The following GRIP1 variants were observed in gnomAD, a reference collection of about 807,000 sequenced individuals.
GRIP1 encodes the protein glutamate receptor-interacting protein 1.
In GRIP1, 45 loss-of-function variants were observed where a neutral mutation model predicts 129.9. The ratio of observed to expected loss-of-function variants is 0.35; its 90% CI spans 0.27 to 0.44. The LOEUF is 0.44. GRIP1 is among the 20% of genes least tolerant of loss of function. The probability of loss-of-function intolerance (pLI) is 1.00; values close to 1 mark genes in which losing one functional copy is unlikely to be tolerated. For missense variants in GRIP1, 1,196 were observed against 1,396.8 expected, an observed-to-expected ratio of 0.86 and a Z score of 2.29; for synonymous variants, 530 against 520.8, an observed-to-expected ratio of 1.02 and a Z score of -0.24.
chr12:66,990,722 C>T (rs1004550672), intron 1 of GRIP1, among the ~76,000 whole-genome samples: 8 of 152,096 alleles, frequency 5.3e-5, no homozygotes, highest in African/African-American at 1.7e-4. Context: ...TGGCAGGGCG[C>T]GGTGGCTCAG....
At chr12:67,010,691 T>G (rs927874757) in intron 1 of GRIP1, among the ~76,000 whole-genome samples, 1 of 152,110 alleles carries the variant, frequency 6.6e-6, no homozygotes, top group Non-Finnish European at 1.5e-5. Flanking sequence ...ACTTCCTCAT[T>G]GTAGCTAACC....
chr12:66,791,573 G>A (rs979799584), intron 1 of GRIP1, among the ~76,000 whole-genome samples: 2 of 152,170 alleles, frequency 1.3e-5, no homozygotes, highest in African/African-American at 4.8e-5. Flanking sequence ...TAAGGATGAA[G>A]TCTCGAGGAG....
chr12:66,743,775 A>T (rs755969586), intron 1 of GRIP1, among the ~76,000 whole-genome samples: 1 of 152,144 alleles, frequency 6.6e-6, no homozygotes, highest in Admixed American at 6.6e-5. Flanking sequence ...AAATTAATCA[A>T]TTTTCTATTC....
At chr12:66,675,483 G>A (rs1245663521) in intron 1 of GRIP1, among the ~76,000 whole-genome samples, 1 of 152,120 alleles carries the variant, frequency 6.6e-6, no homozygotes, top group Non-Finnish European at 1.5e-5. Context: ...AAGAGAAAAA[G>A]AACAAAGTCT....
Position 66,578,230 on chromosome 12 carries a change from C to CA in GRIP1, c.136+18616_136+18617insT, listed in dbSNP as rs1565879292. On this transcript the variant is annotated intron_variant, in intron 2 of 24. Coordinates refer to ENST00000359742, the MANE Select transcript of GRIP1 (RefSeq NM_001366722.1). ...CAGCCTGACTAATATGGCAAAACCG[C>CA]GGTTTTTTTTTTTTTTTTTGTAAAA... Among the ~76,000 whole-genome samples, 90 of 24,370 alleles carry CA rather than the reference C, an allele frequency of 3.7e-3. 2 individuals carry two copies. Among genetic ancestry groups the CA allele is most frequent in the Middle Eastern group, 0.029 (2 of 68 alleles). 16.0% of individuals were successfully genotyped at this position (24,370 alleles called of 152,430 possible). A position where few individuals can be genotyped will look rare whatever the true frequency, so the allele number is the denominator to read the frequency against.
chr12:66,839,047 G>C (rs932544344), intron 1 of GRIP1, among the ~76,000 whole-genome samples: 6 of 152,080 alleles, frequency 3.9e-5, no homozygotes, highest in African/African-American at 1.4e-4. Flanking sequence ...CTAAGGGCTT[G>C]TCACTGCAAT....
At chr12:66,906,662 C>A (rs546792461) in intron 1 of GRIP1, among the ~76,000 whole-genome samples, 7 of 151,988 alleles carry the variant, frequency 4.6e-5, no homozygotes, top group Admixed American at 4.6e-4. Context: ...AAGACCAGAA[C>A]GGGAAGGCAC....
At chr12:66,412,874 A>G (rs2057451949) in intron 15 of GRIP1, among the ~76,000 whole-genome samples, 1 of 152,040 alleles carries the variant, frequency 6.6e-6, no homozygotes, top group Non-Finnish European at 1.5e-5. Context: ...CAACAAAGAT[A>G]GAAAAAAAAT....
chr12:66,511,933 C>T (rs1317802463), intron 7 of GRIP1, among the ~76,000 whole-genome samples: 1 of 152,114 alleles, frequency 6.6e-6, no homozygotes, highest in Non-Finnish European at 1.5e-5. Flanking sequence ...GCTGGAGGGA[C>T]CTGGTGGGAG....
chr12:66,994,185 C>A (rs2042433653), intron 1 of GRIP1, among the ~76,000 whole-genome samples: 1 of 151,204 alleles, frequency 6.6e-6, no homozygotes, highest in Admixed American at 6.6e-5. Context: ...GATATCAAAA[C>A]CAGACAAGTG....
At chr12:66,541,194 C>G (rs1370140208) in intron 3 of GRIP1, among the ~76,000 whole-genome samples, 4 of 152,164 alleles carry the variant, frequency 2.6e-5, no homozygotes, top group African/African-American at 9.7e-5. Context: ...AAGCCCACCC[C>G]TGCCCAGTAT....
At chr12:66,510,920 C>T (rs529275761) in intron 7 of GRIP1, among the ~76,000 whole-genome samples, 12 of 152,210 alleles carry the variant, frequency 7.9e-5, no homozygotes, top group African/African-American at 2.6e-4. Flanking sequence ...GTTATTCATC[C>T]AGGAAATGTA....
chr12:66,572,035 A>T (rs1418361024), intron 2 of GRIP1, among the ~76,000 whole-genome samples: 1 of 152,178 alleles, frequency 6.6e-6, no homozygotes, highest in Non-Finnish European at 1.5e-5. Flanking sequence ...AGGCCTAAAA[A>T]AACCCCACAC....
At chr12:66,381,057 CT>C (rs1356803889) in intron 19 of GRIP1, among the ~76,000 whole-genome samples, 2 of 152,032 alleles carry the variant, frequency 1.3e-5, no homozygotes, top group Non-Finnish European at 2.9e-5. Flanking sequence ...GCCATTTTTG[CT>C]ACTAGTTTAA....
intron 1 of GRIP1, among the ~76,000 whole-genome samples, chr12:66,946,806 G>C (rs1431102296): frequency 4.3e-5 from 6 of 138,732 alleles, no homozygotes; most frequent in Admixed American, 2.8e-4. Context: ...TGGGGGCTGG[G>C]GGGGGCGGCA....
At chr12:66,607,453 C>T (rs1035018119) in intron 1 of GRIP1, among the ~76,000 whole-genome samples, 1 of 152,156 alleles carries the variant, frequency 6.6e-6, no homozygotes, top group Non-Finnish European at 1.5e-5. Flanking sequence ...AATACTGGGA[C>T]ACTCTCTTTT....
intron 1 of GRIP1, among the ~76,000 whole-genome samples, chr12:66,954,623 T>A (rs1350919770): frequency 6.6e-6 from 1 of 152,210 alleles, no homozygotes; most frequent in Non-Finnish European, 1.5e-5. Context: ...TAATTTGTAA[T>A]CCACTTTCAT....
chr12:66,958,543 T>A lies in GRIP1; in HGVS notation c.58+110507A>T, dbSNP rs184140679. 7.4e-4 allele frequency among the ~76,000 whole-genome samples: 112 copies of A among 152,342 alleles called. 1 individual carries two copies. Among genetic ancestry groups the A allele is most frequent in the Admixed American group, 1.8e-3 (27 of 15,304 alleles). ...TTTCTCCAAGGAGCCCTCATTTCTTTTATTGGAGAATGGTATTAGGAACCA... is the reference window on the plus strand; with the variant it reads ...TTTCTCCAAGGAGCCCTCATTTCTTATATTGGAGAATGGTATTAGGAACCA... On this transcript the variant is annotated intron_variant, in intron 1 of 1. Coordinates refer to the GRIP1 transcript ENST00000643019.
chr12:66,948,740 T>G (rs1464540191), intron 1 of GRIP1, among the ~76,000 whole-genome samples: 1 of 152,100 alleles, frequency 6.6e-6, no homozygotes, highest in East Asian at 1.9e-4. Context: ...CATAGGTAAA[T>G]GGAAGAAGAG....
Sources: allele counts gnomAD v4.1 joint callset (sites outside exome capture counted in the v4.1 genomes callset), GRCh38; gene constraint gnomAD v4.1.1; transcripts MANE v1.5; gene names NCBI Gene and HGNC (gene_info 2026-07-23, HGNC 2026-07-21).